Variants in GPM6A observed in about 807,000 individuals in gnomAD.
The protein encoded by GPM6A is glycoprotein M6A.
In GPM6A, 7 loss-of-function variants were observed where a neutral mutation model predicts 32.1. The ratio of observed to expected loss-of-function variants is 0.22; its 90% CI spans 0.12 to 0.41. GPM6A has a LOEUF of 0.41. Ranked by LOEUF, GPM6A falls within the 10% of genes least tolerant of loss-of-function variation. The pLI is 1.00. For missense variants in GPM6A, 235 were observed against 347.2 expected (o/e 0.68, Z 2.57); for synonymous variants, 130 against 123.4 (o/e 1.05, Z -0.35).
intron 1 of GPM6A, among the ~76,000 whole-genome samples, chr4:175,769,182 G>A (rs766526537): frequency 1.3e-5 from 2 of 152,108 alleles, no homozygotes; most frequent in Non-Finnish European, 2.9e-5. Context: ...CAATTGAAAG[G>A]TAGTTTATTA....
intron 1 of GPM6A, among the ~76,000 whole-genome samples, chr4:175,924,739 C>CTGAG (rs1560996106): frequency 6.6e-6 from 1 of 150,928 alleles, no homozygotes; most frequent in African/African-American, 2.4e-5. Context: ...ACTTGGGAGG[C>CTGAG]TGAGGCAGGA....
intron 1 of GPM6A, among the ~76,000 whole-genome samples, chr4:175,837,459 C>T (rs1038218713): frequency 1.3e-5 from 2 of 152,188 alleles, no homozygotes; most frequent in Admixed American, 6.5e-5. Flanking sequence ...GCAGAGAGAC[C>T]TGCTAGAGAG....
upstream of GPM6A, among the ~76,000 whole-genome samples, chr4:175,816,107 C>T (rs758889928): frequency 1.2e-4 from 19 of 152,248 alleles, no homozygotes; most frequent in Middle Eastern, 3.4e-3. Context: ...AGGGGAATCA[C>T]GGGAGCCCGG....
upstream of GPM6A, among the ~76,000 whole-genome samples, chr4:175,815,718 CTT>C (rs60711329): frequency 7.9e-6 from 1 of 127,114 alleles, no homozygotes; most frequent in Non-Finnish European, 1.6e-5. Flanking sequence ...TTTTTCTTTT[CTT>C]TTTTTTTTTT....
chr4:175,729,483 G>A (rs1322563447), intron 1 of GPM6A, among the ~76,000 whole-genome samples: 1 of 151,848 alleles, frequency 6.6e-6, no homozygotes, highest in East Asian at 1.9e-4. Context: ...GTTTCTCATG[G>A]ATACAAAAAA....
chr4:175,929,929 G>A (rs1036366050), intron 1 of GPM6A, among the ~76,000 whole-genome samples: 5 of 152,050 alleles, frequency 3.3e-5, no homozygotes, highest in African/African-American at 1.2e-4. Context: ...TACCTGTCTT[G>A]GGACTATTTA....
At chr4:175,699,458 T>C (rs971214876) in intron 2 of GPM6A, among the ~76,000 whole-genome samples, 15 of 152,196 alleles carry the variant, frequency 9.9e-5, no homozygotes, top group Admixed American at 7.9e-4. Flanking sequence ...TCAGAACTAA[T>C]TAGTAAAATA....
chr4:175,879,791 T>C (rs529534289), intron 1 of GPM6A, among the ~76,000 whole-genome samples: 2 of 152,300 alleles, frequency 1.3e-5, no homozygotes, highest in Admixed American at 6.5e-5. Context: ...TATTTTAGTA[T>C]ATTATTTGGT....
intron 1 of GPM6A, among the ~76,000 whole-genome samples, chr4:175,859,993 CATAA>C (rs1157485326): frequency 2.6e-5 from 4 of 151,848 alleles, no homozygotes. Flanking sequence ...ACTATTTTGA[CATAA>C]ATAAAAGTGA....
chr4:175,741,407 T>G (rs1731881832), intron 1 of GPM6A, among the ~76,000 whole-genome samples: 1 of 152,096 alleles, frequency 6.6e-6, no homozygotes, highest in Non-Finnish European at 1.5e-5. Flanking sequence ...TCCAGTCTAT[T>G]TTTTCACATT....
chr4:175,647,677 G>C (rs1365338147), intron 4 of GPM6A, among the ~76,000 whole-genome samples: 1 of 152,076 alleles, frequency 6.6e-6, no homozygotes, highest in Non-Finnish European at 1.5e-5. Flanking sequence ...ATATACTAAG[G>C]AGACAACTCT....
intron 1 of GPM6A, among the ~76,000 whole-genome samples, chr4:175,725,476 A>G (rs769789225): frequency 9.2e-5 from 14 of 151,930 alleles, no homozygotes; most frequent in Non-Finnish European, 1.9e-4. Flanking sequence ...AATTTTTTGT[A>G]GAGATGAGGT....
intron 1 of GPM6A, among the ~76,000 whole-genome samples, chr4:175,771,627 TA>T (rs1455047720): frequency 3.4e-5 from 5 of 149,082 alleles, no homozygotes; most frequent in African/African-American, 1.2e-4. Flanking sequence ...AATAAAAGCA[TA>T]AAAAATCCAG....
intron 1 of GPM6A, among the ~76,000 whole-genome samples, chr4:175,762,791 T>C (rs1732802450): frequency 6.6e-6 from 1 of 152,052 alleles, no homozygotes. Flanking sequence ...ACCCCCAGGG[T>C]GAGTGTCTAA....
At chr4:175,791,633 A>T (rs1031310560) in intron 1 of GPM6A, among the ~76,000 whole-genome samples, 2 of 152,184 alleles carry the variant, frequency 1.3e-5, no homozygotes, top group Non-Finnish European at 2.9e-5. Context: ...AAGAGATTCA[A>T]TTTTCTCTTA....
chr4:175,928,027 T>C lies in GPM6A; in HGVS notation c.-23+74282A>G, dbSNP rs567360117. Among the ~76,000 whole-genome samples, 6 of 152,350 alleles carry C rather than the reference T, an allele frequency of 3.9e-5. No homozygotes were observed. In the East Asian group the frequency reaches 1.2e-3, roughly 29 times the overall value. On this transcript the variant is annotated intron_variant, in intron 1 of 7. Transcript: ENST00000280187. ...TTGGAGTTAGAGGGTCATTGTTATTTAGCAAATTATTCTTATTTTTTAAGG... is the reference window on the plus strand; with the variant it reads ...TTGGAGTTAGAGGGTCATTGTTATTCAGCAAATTATTCTTATTTTTTAAGG...
chr4:175,880,679 C>T (rs1420750581), intron 1 of GPM6A, among the ~76,000 whole-genome samples: 2 of 152,076 alleles, frequency 1.3e-5, no homozygotes, highest in East Asian at 3.9e-4. Flanking sequence ...CATGATTTGG[C>T]TCTCTGTTTG....
chr4:175,768,817 C>T (rs374498515), intron 1 of GPM6A, among the ~76,000 whole-genome samples: 17 of 152,146 alleles, frequency 1.1e-4, no homozygotes, highest in African/African-American at 2.6e-4. Flanking sequence ...CTATCCTGGC[C>T]GGGTACGGTG....
At chr4:175,962,065 T>C in intron 1 of GPM6A, 2 of 723,086 alleles carry the variant, frequency 2.8e-6, no homozygotes, top group Non-Finnish European at 5.2e-6. Flanking sequence ...GAACCAGATG[T>C]TGCCAATCTG....
Sources: allele counts gnomAD v4.1 joint callset (sites outside exome capture counted in the v4.1 genomes callset), GRCh38; gene constraint gnomAD v4.1.1; transcripts MANE v1.5; gene names NCBI Gene and HGNC (gene_info 2026-07-23, HGNC 2026-07-21).